Variants in SGMS1 observed in about 807,000 individuals in gnomAD.
The protein encoded by SGMS1 is sphingomyelin synthase 1, also known as phosphatidylcholine:ceramide cholinephosphotransferase 1.
In SGMS1, 13 loss-of-function variants were observed where a neutral mutation model predicts 46.2. The ratio of observed to expected loss-of-function variants is 0.28; its 90% CI spans 0.18 to 0.45. The LOEUF (loss-of-function observed/expected upper bound fraction) is 0.45, where lower values mean the gene tolerates loss of function less well. SGMS1 is among the 20% of genes least tolerant of loss of function. The pLI is 1.00. For missense variants in SGMS1, 324 were observed against 519.9 expected, an observed-to-expected ratio of 0.62 and a Z score of 3.66; for synonymous variants, 203 against 187.8, an observed-to-expected ratio of 1.08 and a Z score of -0.66.
chr10:50,403,904 C>A (rs969974722), intron 6 of SGMS1, among the ~76,000 whole-genome samples: 2 of 151,618 alleles, frequency 1.3e-5, no homozygotes, highest in Non-Finnish European at 2.9e-5. Flanking sequence ...TCAACCCCTA[C>A]CCTTCTTTTA....
chr10:50,362,498 G>A (rs2688874), intron 6 of SGMS1, among the ~76,000 whole-genome samples: 19,307 of 152,084 alleles, frequency 0.13, 1,402 homozygotes, highest in Middle Eastern at 0.22. Flanking sequence ...TACTATCTGC[G>A]TAGTGTGAAA....
At chr10:50,490,118 T>A (rs899888778) in intron 3 of SGMS1, among the ~76,000 whole-genome samples, 6 of 152,256 alleles carry the variant, frequency 3.9e-5, no homozygotes, top group Admixed American at 1.3e-4. Context: ...GCTTTTTGAC[T>A]TTAAGAAGGT....
chr10:50,447,932 A>G (rs1467359390), intron 5 of SGMS1, among the ~76,000 whole-genome samples: 1 of 151,872 alleles, frequency 6.6e-6, no homozygotes, highest in Non-Finnish European at 1.5e-5. Flanking sequence ...CACACCCTTC[A>G]CCCCCAAATT....
At chr10:50,607,632 C>CA (rs1473644378) in intron 1 of SGMS1, among the ~76,000 whole-genome samples, 75 of 152,264 alleles carry the variant, frequency 4.9e-4, no homozygotes, top group Middle Eastern at 3.4e-3. Context: ...TTGTGTGAAG[C>CA]AGCAAGTGAG....
At chr10:50,511,901 GTC>G (rs1318727889) in intron 3 of SGMS1, among the ~76,000 whole-genome samples, 2 of 152,068 alleles carry the variant, frequency 1.3e-5, no homozygotes, top group African/African-American at 4.8e-5. Flanking sequence ...TTTGTCCCAT[GTC>G]TCTCTCTCCA....
intron 4 of SGMS1, among the ~76,000 whole-genome samples, chr10:50,461,700 T>C (rs7914683): frequency 1.3e-5 from 2 of 152,094 alleles, no homozygotes; most frequent in Non-Finnish European, 1.5e-5. Context: ...ATAAAAATCA[T>C]AGGTGCTCTC....
chr10:50,425,060 A>T (rs1201270910), intron 6 of SGMS1, among the ~76,000 whole-genome samples: 4 of 152,208 alleles, frequency 2.6e-5, no homozygotes, highest in Non-Finnish European at 5.9e-5. Flanking sequence ...TTAAAAAGTC[A>T]CACCAGTTAG....
chr10:50,436,489 A>C (rs1013462943), intron 5 of SGMS1, among the ~76,000 whole-genome samples: 6 of 152,206 alleles, frequency 3.9e-5, no homozygotes, highest in Non-Finnish European at 7.3e-5. Flanking sequence ...AATGCAGAAC[A>C]CTGGCGGTAT....
chr10:50,381,614 T>C (rs1004860247), intron 6 of SGMS1, among the ~76,000 whole-genome samples: 1 of 152,234 alleles, frequency 6.6e-6, no homozygotes, highest in Non-Finnish European at 1.5e-5. Context: ...ATGATGATTC[T>C]ACAACAATAT....
Position 50,452,236 on chromosome 10 carries a change from A to G in SGMS1, c.-313+8437T>C, listed in dbSNP as rs1837119220. Among the ~76,000 whole-genome samples, 4 of 152,192 alleles carry G rather than the reference A, an allele frequency of 2.6e-5. No homozygotes were observed. The South Asian group carries it at 8.3e-4, about 31-fold the overall frequency. The stretch of plus-strand genomic sequence containing the variant: ...TTTTGATAAATAATATCTCCAAGAC[A>G]TCAAAGTCTCAGCCAACTTAGAGAG... On this transcript the variant is annotated intron_variant, in intron 5 of 10. Transcript: ENST00000361781.
At chr10:50,354,387 T>C (rs878927815) in intron 6 of SGMS1, among the ~76,000 whole-genome samples, 3 of 152,160 alleles carry the variant, frequency 2.0e-5, no homozygotes, top group Non-Finnish European at 4.4e-5. Flanking sequence ...TGACTAGCCA[T>C]ATGGAGAAAG....
intron 9 of SGMS1, among the ~76,000 whole-genome samples, chr10:50,308,778 AT>A (rs1847213152): frequency 6.6e-6 from 1 of 152,202 alleles, no homozygotes; most frequent in Admixed American, 6.5e-5. Context: ...CAAAATTTCT[AT>A]TAGTGCAGGC....
chr10:50,604,737 G>A (rs115940252), intron 1 of SGMS1, among the ~76,000 whole-genome samples: 1,736 of 152,156 alleles, frequency 0.011, 30 homozygotes, highest in African/African-American at 0.04. Context: ...AAAAGTCCTC[G>A]ATTGATCAAC....
At chr10:50,476,318 A>T (rs1204016768) in intron 3 of SGMS1, among the ~76,000 whole-genome samples, 3 of 58,172 alleles carry the variant, frequency 5.2e-5, no homozygotes, top group Non-Finnish European at 9.4e-5. Flanking sequence ...AGGGGGAGGG[A>T]GAGAGGAGGG....
intron 6 of SGMS1, among the ~76,000 whole-genome samples, chr10:50,405,684 C>T (rs1302793497): frequency 2.6e-5 from 4 of 152,170 alleles, no homozygotes; most frequent in African/African-American, 9.7e-5. Flanking sequence ...ATTATGAAAT[C>T]TTTTGGCAAA....
chr10:50,515,534 A>C (rs1837793765), intron 3 of SGMS1, among the ~76,000 whole-genome samples: 1 of 152,228 alleles, frequency 6.6e-6, no homozygotes, highest in African/African-American at 2.4e-5. Flanking sequence ...GGACAACAGA[A>C]CTGGAGCAGT....
intron 6 of SGMS1, among the ~76,000 whole-genome samples, chr10:50,396,607 C>A (rs1217766765): frequency 6.6e-6 from 1 of 152,134 alleles, no homozygotes; most frequent in Non-Finnish European, 1.5e-5. Context: ...CCTTTCCAAG[C>A]CAGTTTCCCT....
chr10:50,426,845 G>T (rs1182424537), intron 6 of SGMS1, among the ~76,000 whole-genome samples: 1 of 152,146 alleles, frequency 6.6e-6, no homozygotes, highest in East Asian at 1.9e-4. Context: ...GGATTGCCTT[G>T]ACACATGTCA....
intron 6 of SGMS1, among the ~76,000 whole-genome samples, chr10:50,423,279 A>G (rs1008843707): frequency 3.7e-5 from 5 of 135,256 alleles, no homozygotes; most frequent in East Asian, 2.5e-4. Flanking sequence ...CTTCATTCCT[A>G]AAGTGTGCCT....
Sources: gnomAD v4.1 joint callset for allele counts (sites outside exome capture counted in the v4.1 genomes callset) on GRCh38, gnomAD v4.1.1 for gene constraint, MANE v1.5 for transcripts, NCBI Gene and HGNC (gene_info 2026-07-23, HGNC 2026-07-21) for gene names.